The following ASH1L variants were observed in gnomAD, a reference collection of about 807,000 sequenced individuals.
ASH1L encodes the protein ASH1 like histone lysine methyltransferase.
Under a neutral mutation model 269.0 loss-of-function variants are expected in ASH1L, and 23 were observed. That is an observed-to-expected ratio of 0.09 (90% confidence interval 0.06 to 0.12). The LOEUF (loss-of-function observed/expected upper bound fraction) is 0.12. Among genes scored for constraint, ASH1L ranks in the 10% least tolerant of loss-of-function variants. ASH1L has a pLI of 1.00. For synonymous variants in ASH1L, 1,187 were observed against 1,253.5 expected (o/e 0.95, Z 1.12); for missense variants, 2,912 against 3,567.8 (o/e 0.82, Z 4.68).
chr1:155,431,931 AG>A (rs1181266361), intron 5 of ASH1L, among the ~76,000 whole-genome samples: 1 of 152,134 alleles, frequency 6.6e-6, no homozygotes, highest in African/African-American at 2.4e-5. Context: ...TATTTTTTAC[AG>A]CAAAAATTTA....
chr1:155,548,790 A>G (rs1477756180), intron 1 of ASH1L, among the ~76,000 whole-genome samples: 2 of 152,210 alleles, frequency 1.3e-5, no homozygotes, highest in Non-Finnish European at 2.9e-5. Context: ...TTGGCTCTAA[A>G]TAGCATCACT....
At chr1:155,485,028 A>T (rs1570952818) in intron 2 of ASH1L, among the ~76,000 whole-genome samples, 1 of 149,636 alleles carries the variant, frequency 6.7e-6, no homozygotes, top group Non-Finnish European at 1.5e-5. Context: ...TGAGGCCAAG[A>T]CGGGTGGATC....
chr1:155,370,203 A>C, intron 12 of ASH1L: 28 of 343,024 alleles, frequency 8.2e-5, no homozygotes, highest in East Asian at 2.4e-4. Flanking sequence ...CACCCTGGCT[A>C]TCATCATCAT....
chr1:155,510,814 G>A (rs1668114632), intron 2 of ASH1L, among the ~76,000 whole-genome samples: 1 of 151,790 alleles, frequency 6.6e-6, no homozygotes, highest in African/African-American at 2.4e-5. Flanking sequence ...CTAAAATTAA[G>A]TCTTGTTTTT....
intron 17 of ASH1L, among the ~76,000 whole-genome samples, chr1:155,349,875 G>A (rs1271831520): frequency 2.8e-5 from 4 of 144,308 alleles, no homozygotes; most frequent in Admixed American, 1.4e-4. Context: ...GTACCACCAC[G>A]CCAAGCTACT....
intron 10 of ASH1L, among the ~76,000 whole-genome samples, chr1:155,373,766 C>G (rs1302114183): frequency 2.0e-5 from 3 of 152,092 alleles, no homozygotes; most frequent in African/African-American, 4.8e-5. Flanking sequence ...CTCCTGGGCT[C>G]AGGTGATTTT....
At chr1:155,371,699 T>C (rs1299344726) in intron 10 of ASH1L, among the ~76,000 whole-genome samples, 1 of 151,126 alleles carries the variant, frequency 6.6e-6, no homozygotes, top group Admixed American at 6.6e-5. Flanking sequence ...ATTTACTTTT[T>C]TTTTTTTTTT....
chr1:155,485,390 C>T (rs1666273245), intron 2 of ASH1L, among the ~76,000 whole-genome samples: 1 of 152,028 alleles, frequency 6.6e-6, no homozygotes, highest in African/African-American at 2.4e-5. Flanking sequence ...ATAGTCATAG[C>T]TCACTGCAGC....
Position 155,479,998 on chromosome 1 carries a change from T to C in ASH1L, c.2872A>G (p.Ser958Gly), listed in dbSNP as rs1665837752. The C allele has an allele frequency of 6.2e-7, 1 of 1,613,936 alleles. No individual in the cohort carries two copies. The highest frequency in any genetic ancestry group is 1.1e-5 in the South Asian group (1 of 91,080). ...LDDSHRPSVC[S>G]MSDLEMEPDK... is the part of the protein sequence containing the mutation. The stretch of plus-strand genomic sequence containing the variant: ...GGTTCCATCTCAAGGTCACTCATAC[T>C]ACAGACACTTGGCCTATGACTGTCA... The change falls in exon 3 of 28, where the codon AGT (serine) becomes GGT (glycine). Residue 958 changes from serine to glycine, a missense_variant. Ser to Gly is a moderately conservative substitution (Grantham distance 56). This residue lies in a region of ASH1L where 715 missense variants were observed against 721.0 expected (regional missense o/e 0.99). Transcript: ENST00000392403.
intron 2 of ASH1L, among the ~76,000 whole-genome samples, chr1:155,507,463 A>G (rs1440747297): frequency 6.6e-6 from 1 of 152,226 alleles, no homozygotes; most frequent in East Asian, 1.9e-4. Flanking sequence ...CCACTCATCT[A>G]GACTAAAGTA....
chr1:155,337,926 C>G (rs921181991), intron 27 of ASH1L, among the ~76,000 whole-genome samples, 163 bp downstream of exon 27: 3 of 152,180 alleles, frequency 2.0e-5, no homozygotes, highest in Non-Finnish European at 2.9e-5. Context: ...ATCATCTCAC[C>G]TTCCAGTTTC....
rs1056358911 is a variant in ASH1L at position 155,506,521 on chromosome 1, A to G, written c.420+14579T>C. On this transcript the variant is annotated intron_variant, in intron 2 of 27. Coordinates refer to ENST00000392403, the MANE Select transcript of ASH1L (RefSeq NM_018489.3). ...AGATTAGCCTGGCCAACATAGCAAA[A>G]CCCCGTCTCTACTAAAAATACAAAA... is the stretch of plus-strand genomic sequence containing the variant. 1.2e-3 allele frequency among the ~76,000 whole-genome samples: 186 copies of G among 151,732 alleles called. 1 individual carries two copies. The highest frequency in any genetic ancestry group is 4.3e-3 in the African/African-American group (178 of 41,362).
intron 12 of ASH1L, among the ~76,000 whole-genome samples, chr1:155,369,383 C>G (rs77361336): frequency 6.6e-6 from 1 of 151,720 alleles, no homozygotes; most frequent in South Asian, 2.1e-4. Flanking sequence ...GGAGGCAGAG[C>G]TTGCAGTGAG....
chr1:155,473,538 G>C (rs1051869116), intron 3 of ASH1L, among the ~76,000 whole-genome samples: 2 of 147,278 alleles, frequency 1.4e-5, no homozygotes, highest in Non-Finnish European at 3.0e-5. Context: ...TGCCAGCCCA[G>C]GCTGGAGTGA....
intron 24 of ASH1L, 69 bp from the exon 25 acceptor site, chr1:155,342,171 A>G: frequency 6.8e-7 from 1 of 1,462,634 alleles, no homozygotes; most frequent in Middle Eastern, 1.9e-4. Context: ...CAAAGACCCC[A>G]TACACACCAA....
At chr1:155,505,093 GT>G (rs1035003620) in intron 2 of ASH1L, among the ~76,000 whole-genome samples, 1 of 151,844 alleles carries the variant, frequency 6.6e-6, no homozygotes, top group Non-Finnish European at 1.5e-5. Context: ...AATTCTTTTT[GT>G]TTTTTTCCAC....
intron 7 of ASH1L, among the ~76,000 whole-genome samples, chr1:155,390,635 C>T (rs575130356): frequency 3.3e-5 from 4 of 119,584 alleles, no homozygotes; most frequent in Non-Finnish European, 5.0e-5. Context: ...ATCATTCTCC[C>T]CCCCCCCCCT....
In ASH1L at chr1:155,477,941, C is replaced by A. The variant is rs771860164; in HGVS notation, c.4929G>T (p.Arg1643=). 1.2e-6 allele frequency: 2 copies of A among 1,614,024 alleles called. No homozygotes were observed. The highest frequency in any genetic ancestry group is 1.7e-6 in the Non-Finnish European group (2 of 1,179,866). ...AAGGCAGTGACTCCTTTCTGTGAAG[C>A]CGATTTAGTGAAGTGTCCTGTGCAG... is the stretch of plus-strand genomic sequence containing the variant. ...LFSAQDTSLN[R]LHRKESLPSN... The change falls in exon 3 of 28, where the codon CGG becomes CGT. Residue 1643 remains arginine (R), a synonymous_variant. Transcript: ENST00000392403.
intron 2 of ASH1L, among the ~76,000 whole-genome samples, chr1:155,509,784 G>A (rs1271183681): frequency 6.6e-6 from 1 of 152,098 alleles, no homozygotes; most frequent in African/African-American, 2.4e-5. Flanking sequence ...GGGCGACAGA[G>A]CGAGACTCCA....
Sources: gnomAD v4.1 joint callset for allele counts (sites outside exome capture counted in the v4.1 genomes callset) on GRCh38, gnomAD v4.1.1 for gene constraint, gnomAD v4.1.1 regional missense constraint, MANE v1.5 for transcripts, NCBI Gene and HGNC (gene_info 2026-07-23, HGNC 2026-07-21) for gene names.